The following CACNB3 variants were observed in gnomAD, a reference collection of about 807,000 sequenced individuals.
The protein encoded by CACNB3 is calcium voltage-gated channel auxiliary subunit beta 3.
Under a neutral mutation model 63.7 loss-of-function variants are expected in CACNB3, and 36 were observed. That is an observed-to-expected ratio of 0.57 (90% CI 0.43 to 0.75). CACNB3 has a LOEUF of 0.75. Ranked by LOEUF, CACNB3 falls within the 30% of genes least tolerant of loss-of-function variation. The probability of loss-of-function intolerance (pLI) is 0.00; values close to 1 mark genes in which losing one functional copy is unlikely to be tolerated. For missense variants in CACNB3, 493 were observed against 648.6 expected (o/e 0.76, Z 2.61); for synonymous variants, 241 against 250.6 (o/e 0.96, Z 0.36).
At chr12:48,822,454 C>A (rs143529304) in intron 1 of CACNB3, among the ~76,000 whole-genome samples, 1 of 152,182 alleles carries the variant, frequency 6.6e-6, no homozygotes. Context: ...CATGTTACCC[C>A]CTCCCCACAT....
chr12:48,816,751 CG>C (rs555908898), upstream of CACNB3: 68 of 650,840 alleles, frequency 1.0e-4, no homozygotes, highest in South Asian at 4.2e-3. Flanking sequence ...ATGGCAGATC[CG>C]CTGTTACCTA....
rs748598911 is a variant in CACNB3 at position 48,827,694 on chromosome 12, C to T, written c.1250C>T (p.Ser417Phe). Residue 417 changes from serine to phenylalanine, a missense_variant, in exon 13 of 13, where the codon TCT (serine) becomes TTT (phenylalanine). Physicochemically the swap from Ser to Phe is radical, Grantham distance 155. Coordinates refer to ENST00000301050, the MANE Select transcript of CACNB3 (RefSeq NM_000725.4). ...SESSRQAWTGSSQRSSRHLEE... is the reference protein window; with the variant it reads ...SESSRQAWTGFSQRSSRHLEE... ...AGCTCCCGCCAAGCCTGGACAGGAT[C>T]TTCACAGCGTAGCTCCCGCCACCTG... 5 of 1,614,042 alleles carry T rather than the reference C, an allele frequency of 3.1e-6. No homozygotes were observed. In the South Asian group the frequency reaches 5.5e-5, roughly 18 times the overall value.
Position 48,823,915 on chromosome 12 carries a change from C to T in CACNB3, c.291+112C>T, listed in dbSNP as rs1182266691. 4 of 1,394,348 alleles carry T rather than the reference C, an allele frequency of 2.9e-6. No individual in the cohort carries two copies. Among genetic ancestry groups the T allele is most frequent in the Non-Finnish European group, 4.0e-6 (4 of 1,007,390 alleles). 86.4% of individuals were successfully genotyped at this position (1,394,348 alleles called of 1,614,324 possible). A position where few individuals can be genotyped will look rare whatever the true frequency, so the allele number is the denominator to read the frequency against. ...GTCTAATTCCCCAAGCTAATCAGCTCTTCTCCTTAACACACACCTGTCCAC... is the reference window on the plus strand; with the variant it reads ...GTCTAATTCCCCAAGCTAATCAGCTTTTCTCCTTAACACACACCTGTCCAC... On this transcript the variant is annotated intron_variant, in intron 3 of 12. Coordinates refer to ENST00000301050, the MANE Select transcript of CACNB3 (RefSeq NM_000725.4). The surrounding 1 kb of genome is among the most constrained non-coding windows in gnomAD (Gnocchi z 4.2).
chr12:48,814,914 C>T, upstream of CACNB3: 1 of 240,466 alleles, frequency 4.2e-6, no homozygotes, highest in Non-Finnish European at 8.0e-6. This position sits in a 1 kb window ranked among gnomAD's most constrained non-coding sequence, Gnocchi z 6.9. Flanking sequence ...TCGCCCTTCC[C>T]CTTCGCGGAG....
At position 48,826,640 on chromosome 12, in the gene CACNB3, C is replaced by T; in HGVS notation, c.895-119C>T. 1 of 1,426,804 alleles carries T rather than the reference C, an allele frequency of 7.0e-7. No individual in the cohort carries two copies. 88.4% of individuals were successfully genotyped at this position (1,426,804 alleles called of 1,614,324 possible). On this transcript the variant is annotated intron_variant, in intron 10 of 12. Transcript: ENST00000301050. The surrounding 1 kb of genome is among the most constrained non-coding windows in gnomAD (Gnocchi z 4.8). ...TTTTCCTGCTGCCCTTAACACAACTCTGAGTCATCCTCACCTGCTACTGAT... is the reference window on the plus strand; with the variant it reads ...TTTTCCTGCTGCCCTTAACACAACTTTGAGTCATCCTCACCTGCTACTGAT...
rs571579634 is a variant in CACNB3, at chr12:48,827,259, C to G, written c.1140+136C>G. 9.8e-5 allele frequency: 109 copies of G among 1,115,632 alleles called. 1 individual carries two copies. In the South Asian group the frequency reaches 1.6e-3, roughly 17 times the overall value. The allele number at this position is 1,115,632 out of a possible 1,614,324, so 69.1% of individuals were successfully genotyped here. A position where few individuals can be genotyped will look rare whatever the true frequency, so the allele number is the denominator to read the frequency against. Reference sequence around the variant, plus strand: ...GAACTCTCAGCTCTGCTGTACAGAGCTAGCACAGACGGGCAAAGGAACTTC... The same window carrying G: ...GAACTCTCAGCTCTGCTGTACAGAGGTAGCACAGACGGGCAAAGGAACTTC... On this transcript the variant is annotated intron_variant, in intron 12 of 12. Coordinates refer to ENST00000301050, the MANE Select transcript of CACNB3 (RefSeq NM_000725.4).
At position 48,824,285 on chromosome 12, in the gene CACNB3, C is replaced by T; in HGVS notation, c.319C>T (p.Arg107Trp). ...GTACAGCAATGACTGGTGGATCGGG[C>T]GGCTAGTGAAAGAGGGCGGGGACAT... ...EKYSNDWWIG[R>W]LVKEGGDIAF... Residue 107 changes from arginine (R) to tryptophan (W), a missense_variant, in exon 4 of 13, where the codon CGG becomes TGG. Physicochemically the swap from Arg to Trp is moderately radical, Grantham distance 101. Coordinates refer to ENST00000301050, the MANE Select transcript of CACNB3 (RefSeq NM_000725.4). 9 of 1,613,116 alleles carry T rather than the reference C, an allele frequency of 5.6e-6. No individual in the cohort carries two copies. Among genetic ancestry groups the T allele is most frequent in the South Asian group, 1.1e-5 (1 of 90,732 alleles).
At position 48,818,682 on chromosome 12, in the gene CACNB3, A is replaced by G; in HGVS notation, c.-248A>G. ...CTATTGTTGTAGGAGCCGGCGCCAGATTCCTCAGCCGCGCTCGGGGTGGGA... is the reference window on the plus strand; with the variant it reads ...CTATTGTTGTAGGAGCCGGCGCCAGGTTCCTCAGCCGCGCTCGGGGTGGGA... On this transcript the variant is annotated 5_prime_UTR_variant, in exon 1 of 13. Coordinates refer to ENST00000301050, the MANE Select transcript of CACNB3 (RefSeq NM_000725.4). The surrounding 1 kb of genome is among the most constrained non-coding windows in gnomAD (Gnocchi z 4.3). 1 of 1,173,138 alleles carries G rather than the reference A, an allele frequency of 8.5e-7. No homozygotes were observed. 72.7% of individuals were successfully genotyped at this position (1,173,138 alleles called of 1,614,324 possible).
chr12:48,818,827 C>T lies in CACNB3; in HGVS notation c.-103C>T, dbSNP rs1425913806. 63 of 1,395,204 alleles carry T rather than the reference C, an allele frequency of 4.5e-5. No individual in the cohort carries two copies. Among genetic ancestry groups the T allele is most frequent in the Non-Finnish European group, 5.7e-5 (61 of 1,077,192 alleles). The allele number at this position is 1,395,204 out of a possible 1,614,324, so 86.4% of individuals were successfully genotyped here. A position where few individuals can be genotyped will look rare whatever the true frequency, so the allele number is the denominator to read the frequency against. On this transcript the variant is annotated 5_prime_UTR_variant, in exon 1 of 13. Transcript: ENST00000301050. This position sits in a 1 kb window ranked among gnomAD's most constrained non-coding sequence, Gnocchi z 4.3. ...CTCCCTGCCGCCGCCCGCAGGGCTG[C>T]GGGGCTCGGTGGCATCTCCCGGGCG...
chr12:48,823,460 G>A lies in CACNB3; in HGVS notation c.162G>A (p.Arg54=). The A allele has an allele frequency of 6.2e-7, 1 of 1,613,916 alleles. No individual in the cohort carries two copies. Among genetic ancestry groups the A allele is most frequent in the Non-Finnish European group, 8.5e-7 (1 of 1,179,908 alleles). Residue 54 remains arginine (R), a synonymous_variant, in exon 2 of 13, where the codon AGG becomes AGA. Transcript: ENST00000301050. The surrounding 1 kb of genome is among the most constrained non-coding windows in gnomAD (Gnocchi z 4.2). ...GCCAGGCTCAGCAGCAGCTCGAAAG[G>A]GCCAAGGTATACTTTCTGGGCATGG... ...VESQAQQQLE[R]AKHKPVAFAV... is the part of the protein sequence containing the mutation.
chr12:48,826,331 G>C lies in CACNB3; in HGVS notation c.743-36G>C, dbSNP rs767395204. On this transcript the variant is annotated intron_variant, in intron 9 of 12. Coordinates refer to ENST00000301050, the MANE Select transcript of CACNB3 (RefSeq NM_000725.4). This position sits in a 1 kb window ranked among gnomAD's most constrained non-coding sequence, Gnocchi z 4.8. ...CCTGCTGGAGTGAGCAGTGGGCAGA[G>C]CTCCTGGTGAGCACTGCTGCTGCCT... 6.2e-7 allele frequency: 1 copy of C among 1,612,450 alleles called. No homozygotes were observed. The highest frequency in any genetic ancestry group is 8.5e-7 in the Non-Finnish European group (1 of 1,178,742).
chr12:48,826,895 G>A lies in CACNB3; in HGVS notation c.990+41G>A. The A allele has an allele frequency of 6.2e-7, 1 of 1,613,064 alleles. No individual in the cohort carries two copies. Among genetic ancestry groups the A allele is most frequent in the Non-Finnish European group, 8.5e-7 (1 of 1,179,148 alleles). On this transcript the variant is annotated intron_variant, in intron 11 of 12. Transcript: ENST00000301050. This position sits in a 1 kb window ranked among gnomAD's most constrained non-coding sequence, Gnocchi z 4.8. Reference sequence around the variant, plus strand: ...AGCTGCTCCTGTGCCCACTCCCCCAGGGCTGCGGCAGTGATAGAGATGGGT... The same window carrying A: ...AGCTGCTCCTGTGCCCACTCCCCCAAGGCTGCGGCAGTGATAGAGATGGGT...
chr12:48,818,744 T>A lies in CACNB3; in HGVS notation c.-186T>A. 1 of 1,305,394 alleles carries A rather than the reference T, an allele frequency of 7.7e-7. No individual in the cohort carries two copies. Among genetic ancestry groups the A allele is most frequent in the Non-Finnish European group, 9.7e-7 (1 of 1,028,108 alleles). 80.9% of individuals were successfully genotyped at this position (1,305,394 alleles called of 1,614,324 possible). ...TGGGGGGGTGGGGTGGGGGGAGCGG[T>A]GATCTGAGCTCCGAGCAGCTGGTCT... On this transcript the variant is annotated 5_prime_UTR_variant, in exon 1 of 13. Transcript: ENST00000301050. This position sits in a 1 kb window ranked among gnomAD's most constrained non-coding sequence, Gnocchi z 4.3.
At position 48,824,345 on chromosome 12, in the gene CACNB3, A is replaced by G; in HGVS notation, c.379A>G (p.Ile127Val). 5.0e-6 allele frequency: 8 copies of G among 1,610,616 alleles called. No homozygotes were observed. Among genetic ancestry groups the G allele is most frequent in the Non-Finnish European group, 6.8e-6 (8 of 1,178,832 alleles). The change falls in exon 4 of 13, where the codon ATC (isoleucine) becomes GTC (valine). Residue 127 changes from isoleucine to valine, a missense_variant. Transcript: ENST00000301050. ...CCCCAGCCCCCAGCGCCTGGAGAGC[A>G]TCCGGCTCAAACAGGAGCAGAAGGC... ...FIPSPQRLES[I>V]RLKQEQKARR... is the part of the protein sequence containing the mutation.
chr12:48,816,690 G>A (rs561815904), upstream of CACNB3, among the ~76,000 whole-genome samples: 14 of 152,374 alleles, frequency 9.2e-5, no homozygotes, highest in South Asian at 2.7e-3. Context: ...AGCAGACTTA[G>A]ACAACCTTGT....
In CACNB3 at chr12:48,818,858, C is replaced by CG; in HGVS notation, c.-71dup. ...TCGGTGGCATCTCCCGGGCGCGGCC[C>CG]GCAGTCCTTGCCCCTGCCTCCGGGC... is the stretch of plus-strand genomic sequence containing the variant. On this transcript the variant is annotated 5_prime_UTR_variant, in exon 1 of 13. Transcript: ENST00000301050. This position sits in a 1 kb window ranked among gnomAD's most constrained non-coding sequence, Gnocchi z 4.3. 6.7e-7 allele frequency: 1 copy of CG among 1,491,550 alleles called. No homozygotes were observed. The highest frequency in any genetic ancestry group is 8.9e-7 in the Non-Finnish European group (1 of 1,119,470). 92.4% of individuals were successfully genotyped at this position (1,491,550 alleles called of 1,614,324 possible).
Position 48,828,488 on chromosome 12 carries a change from C to T in CACNB3, c.*589C>T. The T allele has an allele frequency of 2.8e-6, 1 of 353,166 alleles. No individual in the cohort carries two copies. Among genetic ancestry groups the T allele is most frequent in the South Asian group, 2.1e-5 (1 of 46,952 alleles). The allele number at this position is 353,166 out of a possible 1,614,324, so 21.9% of individuals were successfully genotyped here. ...AGACTGGAGCAGCAGGCTGGCCACG[C>T]TCGGGCCAGAGAGAGCTCACAGCTG... On this transcript the variant is annotated 3_prime_UTR_variant, in exon 13 of 13. Transcript: ENST00000301050.
intron 1 of CACNB3, among the ~76,000 whole-genome samples, chr12:48,822,138 T>G (rs1315070235): frequency 1.3e-5 from 2 of 152,158 alleles, no homozygotes; most frequent in Non-Finnish European, 2.9e-5. Flanking sequence ...CACACACTCC[T>G]GCATGAACCC....
chr12:48,822,310 T>G (rs879827469), intron 1 of CACNB3, among the ~76,000 whole-genome samples: 1 of 152,144 alleles, frequency 6.6e-6, no homozygotes, highest in Non-Finnish European at 1.5e-5. Flanking sequence ...TCTGGGCTCT[T>G]GTCTCAAAGT....
Sources: allele counts gnomAD v4.1 joint callset (sites outside exome capture counted in the v4.1 genomes callset), GRCh38; gene constraint gnomAD v4.1.1; non-coding constraint Gnocchi (gnomAD v3.1); transcripts MANE v1.5; gene names NCBI Gene and HGNC (gene_info 2026-07-23, HGNC 2026-07-21).